CHRM2: variants seen among roughly 807,000 people sequenced by gnomAD.
CHRM2 encodes the protein cholinergic receptor muscarinic 2.
Under a neutral mutation model 25.0 loss-of-function variants are expected in CHRM2, and 8 were observed. The observed-to-expected ratio is 0.32, with a 90% confidence interval of 0.19 to 0.58. CHRM2 has a LOEUF of 0.58. CHRM2 is among the 20% of genes least tolerant of loss of function. CHRM2 has a pLI of 0.88. For synonymous variants in CHRM2, 202 were observed against 205.7 expected, an observed-to-expected ratio of 0.98 and a Z score of 0.15; for missense variants, 440 against 567.1, an observed-to-expected ratio of 0.78 and a Z score of 2.28.
intron 2 of CHRM2, chr7:136,898,926 T>C (rs1414774863): frequency 2.0e-5 from 3 of 152,100 alleles, no homozygotes; most frequent in Non-Finnish European, 2.9e-5. Context: ...GAATAGACTA[T>C]ACTAAAGACT....
At chr7:136,901,785 A>G (rs1797224019) in intron 2 of CHRM2, 1 of 152,096 alleles carries the variant, frequency 6.6e-6, no homozygotes, top group Non-Finnish European at 1.5e-5. Context: ...CATCTCATGC[A>G]TAACTCACAA....
intron 3 of CHRM2, among the ~76,000 whole-genome samples, chr7:137,002,010 G>A (rs1017506257): frequency 1.3e-5 from 2 of 151,996 alleles, no homozygotes; most frequent in African/African-American, 4.8e-5. Context: ...ATGTAGAAGA[G>A]AAGAATCTTG....
intron 2 of CHRM2, among the ~76,000 whole-genome samples, chr7:136,941,824 C>T (rs1799790402): frequency 6.6e-6 from 1 of 152,036 alleles, no homozygotes; most frequent in African/African-American, 2.4e-5. Flanking sequence ...GTTTAATTGC[C>T]AGGATATCTT....
chr7:136,890,413 C>T (rs1796646279), intron 2 of CHRM2, among the ~76,000 whole-genome samples: 1 of 152,164 alleles, frequency 6.6e-6, no homozygotes. Flanking sequence ...GGTTCTGTGA[C>T]CACTGGCTAC....
chr7:136,981,343 A>G (rs7808355), intron 2 of CHRM2, among the ~76,000 whole-genome samples: 26,552 of 151,910 alleles, frequency 0.17, 2,508 homozygotes, highest in East Asian at 0.34. Flanking sequence ...TTTCTTGTTT[A>G]TTAGTCTGGC....
intron 2 of CHRM2, among the ~76,000 whole-genome samples, chr7:136,920,606 ACTT>A (rs1444664438): frequency 3.9e-5 from 6 of 152,044 alleles, no homozygotes; most frequent in Admixed American, 2.6e-4. Flanking sequence ...GCTGGGCCAC[ACTT>A]CTTTTGTTCT....
intron 3 of CHRM2, among the ~76,000 whole-genome samples, chr7:137,009,461 A>G (rs996497906): frequency 3.3e-5 from 5 of 152,032 alleles, no homozygotes. Flanking sequence ...CTGACTCCCT[A>G]GCTTATTGTG....
intron 2 of CHRM2, among the ~76,000 whole-genome samples, chr7:136,978,452 G>A (rs575228807): frequency 1.3e-5 from 2 of 151,882 alleles, no homozygotes; most frequent in Non-Finnish European, 2.9e-5. Context: ...ATTTATTAGC[G>A]CATCTTTTTT....
At chr7:136,953,810 G>A (rs1690828920) in intron 2 of CHRM2, among the ~76,000 whole-genome samples, 1 of 152,126 alleles carries the variant, frequency 6.6e-6, no homozygotes, top group Admixed American at 6.6e-5. Context: ...GGCAGTATCT[G>A]TTGGCTCCTA....
Position 136,948,875 on chromosome 7 carries a change from C to G in CHRM2, c.-124-43312C>G, listed in dbSNP as rs79949180. Among the ~76,000 whole-genome samples, 585 of 152,194 alleles carry G rather than the reference C, an allele frequency of 3.8e-3. 7 individuals are homozygous for G. The highest frequency in any genetic ancestry group is 0.013 in the African/African-American group (558 of 41,530). ...GTTGATCATCTGAGAGGGAAGCATC[C>G]TTGGGAATGGGAAATAGCATCAAGT... is the stretch of plus-strand genomic sequence containing the variant. On this transcript the variant is annotated intron_variant, in intron 2 of 3. Coordinates refer to ENST00000680005, the MANE Select transcript of CHRM2 (RefSeq NM_001006630.2).
chr7:136,879,212 T>C (rs1332852751), intron 2 of CHRM2, among the ~76,000 whole-genome samples: 1 of 152,020 alleles, frequency 6.6e-6, no homozygotes, highest in African/African-American at 2.4e-5. Flanking sequence ...GATGTTTATA[T>C]AACATATATG....
At chr7:136,982,212 C>T (rs1802535580) in intron 2 of CHRM2, among the ~76,000 whole-genome samples, 1 of 152,060 alleles carries the variant, frequency 6.6e-6, no homozygotes, top group African/African-American at 2.4e-5. Flanking sequence ...ACTTCTTCGT[C>T]TTTTTTGATC....
At chr7:136,877,098 G>C (rs1388577932) in intron 2 of CHRM2, among the ~76,000 whole-genome samples, 1 of 152,030 alleles carries the variant, frequency 6.6e-6, no homozygotes, top group Non-Finnish European at 1.5e-5. Flanking sequence ...AACATAGAAG[G>C]CATCAAGGAG....
intron 2 of CHRM2, among the ~76,000 whole-genome samples, chr7:136,946,475 T>C (rs1044094378): frequency 6.6e-6 from 1 of 152,176 alleles, no homozygotes; most frequent in African/African-American, 2.4e-5. Context: ...CAGAAAAGTG[T>C]AATTTTATTT....
At chr7:136,943,916 C>A (rs1226527813) in intron 2 of CHRM2, among the ~76,000 whole-genome samples, 3 of 152,066 alleles carry the variant, frequency 2.0e-5, no homozygotes, top group Non-Finnish European at 4.4e-5. Context: ...AACTCCTGCC[C>A]ATGTATACAA....
chr7:136,953,125 T>C (rs1043857812), intron 2 of CHRM2, among the ~76,000 whole-genome samples: 1 of 152,174 alleles, frequency 6.6e-6, no homozygotes, highest in Admixed American at 6.5e-5. Flanking sequence ...ATCGTATTTC[T>C]GTCTTTAGGT....
chr7:136,967,492 T>C (rs1318015489), intron 2 of CHRM2, among the ~76,000 whole-genome samples: 5 of 151,936 alleles, frequency 3.3e-5, no homozygotes, highest in Non-Finnish European at 1.5e-5. Flanking sequence ...AAGTCCAAAA[T>C]ATTGACTAAC....
At chr7:136,950,175 T>A (rs1464984524) in intron 2 of CHRM2, among the ~76,000 whole-genome samples, 1 of 152,198 alleles carries the variant, frequency 6.6e-6, no homozygotes, top group East Asian at 1.9e-4. Context: ...TTGTGGGGAT[T>A]TTTGCTCATT....
rs141659104 is a variant in CHRM2, at chr7:136,928,959, G to A, written c.-125+59541G>A. Among the ~76,000 whole-genome samples, 117 of 152,270 alleles carry A rather than the reference G, an allele frequency of 7.7e-4. 3 individuals carry two copies. The East Asian group carries it at 0.018, about 24-fold the overall frequency. ...AGAGGCTCTATATGATGCATTTGATGAGGGTGTAAAGCGCTGTAAATGATG... is the reference window on the plus strand; with the variant it reads ...AGAGGCTCTATATGATGCATTTGATAAGGGTGTAAAGCGCTGTAAATGATG... On this transcript the variant is annotated intron_variant, in intron 2 of 3. Transcript: ENST00000680005.
Sources: gnomAD v4.1 joint callset for allele counts (sites outside exome capture counted in the v4.1 genomes callset) on GRCh38, gnomAD v4.1.1 for gene constraint, MANE v1.5 for transcripts, NCBI Gene and HGNC (gene_info 2026-07-23, HGNC 2026-07-21) for gene names.